The following EBF2 variants were observed in gnomAD, a reference collection of about 807,000 sequenced individuals.
EBF2 encodes the protein transcription factor COE2.
Under a neutral mutation model 72.8 loss-of-function variants are expected in EBF2, and 21 were observed. The observed-to-expected ratio is 0.29, with a 90% confidence interval of 0.20 to 0.42. The LOEUF (loss-of-function observed/expected upper bound fraction) is 0.42. Among genes scored for constraint, EBF2 ranks in the 10% least tolerant of loss-of-function variants. The probability of loss-of-function intolerance (pLI) is 1.00; values close to 1 mark genes in which losing one functional copy is unlikely to be tolerated. For missense variants in EBF2, 637 were observed against 731.2 expected, an observed-to-expected ratio of 0.87 and a Z score of 1.49; for synonymous variants, 299 against 274.2, an observed-to-expected ratio of 1.09 and a Z score of -0.89.
At chr8:26,000,610 C>T (rs1563203977) in intron 6 of EBF2, among the ~76,000 whole-genome samples, 2 of 152,168 alleles carry the variant, frequency 1.3e-5, no homozygotes, top group Non-Finnish European at 2.9e-5. Flanking sequence ...AGGATGTGTG[C>T]ATCCTCGCAA....
chr8:25,917,859 C>T (rs1803250697), intron 6 of EBF2, among the ~76,000 whole-genome samples: 1 of 152,144 alleles, frequency 6.6e-6, no homozygotes, highest in Non-Finnish European at 1.5e-5. Flanking sequence ...CTGCCTGGTC[C>T]GCTGGTTTTA....
chr8:25,944,624 A>C (rs1803733973), intron 6 of EBF2, among the ~76,000 whole-genome samples: 1 of 148,188 alleles, frequency 6.7e-6, no homozygotes, highest in East Asian at 2.0e-4. Flanking sequence ...TATAATCTAC[A>C]ATATACATTA....
rs529114928 is a variant in EBF2, at chr8:26,044,541, T to C, written c.131+188A>G. On this transcript the variant is annotated intron_variant, in intron 1 of 15. Transcript: ENST00000520164. This position sits in a 1 kb window ranked among gnomAD's most constrained non-coding sequence, Gnocchi z 4.1. ...GCAGTTCAGGAACTCGAGTGCCGGC[T>C]GCCGGGTGAGCGTTCGCCTGACTGC... 2.0e-5 allele frequency among the ~76,000 whole-genome samples: 3 copies of C among 152,272 alleles called. No homozygotes were observed. The highest frequency in any genetic ancestry group is 2.0e-4 in the Admixed American group (3 of 15,296).
At chr8:25,845,755 T>C (rs981212678) in intron 15 of EBF2, among the ~76,000 whole-genome samples, 1 of 152,222 alleles carries the variant, frequency 6.6e-6, no homozygotes, top group African/African-American at 2.4e-5. Flanking sequence ...TTCACATTCT[T>C]AGAAAATGGC....
intron 10 of EBF2, among the ~76,000 whole-genome samples, chr8:25,867,507 C>T (rs1343417146): frequency 6.6e-6 from 1 of 152,228 alleles, no homozygotes; most frequent in African/African-American, 2.4e-5. Context: ...TTCCTTCCTA[C>T]CTCTTTGGCC....
chr8:25,994,055 C>G (rs983908387), intron 6 of EBF2, among the ~76,000 whole-genome samples: 4 of 151,784 alleles, frequency 2.6e-5, no homozygotes, highest in African/African-American at 9.7e-5. Context: ...AAGATGCAAT[C>G]CAACATTAGA....
chr8:26,032,948 C>T lies in EBF2; in HGVS notation c.551+137G>A, dbSNP rs1805433405. 4.1e-6 allele frequency: 3 copies of T among 732,202 alleles called. No homozygotes were observed. The East Asian group carries it at 7.6e-5, about 19-fold the overall frequency. The allele number at this position is 732,202 out of a possible 1,614,324, so 45.4% of individuals were successfully genotyped here. A position where few individuals can be genotyped will look rare whatever the true frequency, so the allele number is the denominator to read the frequency against. Reference sequence around the variant, plus strand: ...TCCAAGAAAGGCCAGCATGAGGAGGCCTTTGTTGGATGAGCTTAGTGACTT... The same window carrying T: ...TCCAAGAAAGGCCAGCATGAGGAGGTCTTTGTTGGATGAGCTTAGTGACTT... On this transcript the variant is annotated intron_variant, in intron 6 of 15. Coordinates refer to ENST00000520164, the MANE Select transcript of EBF2 (RefSeq NM_022659.4).
rs1433919305 is a variant in EBF2, at chr8:25,850,820, T to TA, written c.1529-60_1529-59insT. The TA allele has an allele frequency of 2.5e-5, 37 of 1,507,840 alleles. No individual in the cohort carries two copies. The Middle Eastern group carries it at 6.9e-4, about 28-fold the overall frequency. 93.4% of individuals were successfully genotyped at this position (1,507,840 alleles called of 1,614,324 possible). On this transcript the variant is annotated intron_variant, in intron 14 of 15. Coordinates refer to ENST00000520164, the MANE Select transcript of EBF2 (RefSeq NM_022659.4). ...TTAAGATCTTCCTTCAGTTCACACA[T>TA]TTGGCACACATTTATTGAGAAATTG...
In EBF2 at chr8:26,005,313, T is replaced by A. The variant is rs796824099; in HGVS notation, c.551+27772A>T. Among the ~76,000 whole-genome samples, 5 of 3,006 alleles carry A rather than the reference T, an allele frequency of 1.7e-3. 1 individual carries two copies. The East Asian group carries it at 0.23, about 137-fold the overall frequency. The allele number at this position is 3,006 out of a possible 152,430, so 2.0% of individuals were successfully genotyped here. A position where few individuals can be genotyped will look rare whatever the true frequency, so the allele number is the denominator to read the frequency against. ...TATATAATTATATATAATTATATAT[T>A]ATATATTATATATAATTATATATTA... On this transcript the variant is annotated intron_variant, in intron 6 of 15. Transcript: ENST00000520164.
At chr8:25,905,063 A>T (rs1308012486) in intron 7 of EBF2, among the ~76,000 whole-genome samples, 2 of 152,216 alleles carry the variant, frequency 1.3e-5, no homozygotes, top group Non-Finnish European at 2.9e-5. Context: ...CTCAAAGAAG[A>T]TATACAAATG....
intron 6 of EBF2, among the ~76,000 whole-genome samples, chr8:26,024,881 A>G (rs542163721): frequency 4.9e-4 from 74 of 152,318 alleles, no homozygotes; most frequent in South Asian, 1.2e-3. Context: ...TATTGGCATC[A>G]AGATTTAAAT....
chr8:25,877,323 TCTC>T (rs1447207053), intron 10 of EBF2, among the ~76,000 whole-genome samples: 1 of 152,116 alleles, frequency 6.6e-6, no homozygotes, highest in African/African-American at 2.4e-5. Flanking sequence ...GAGGATCTCT[TCTC>T]CTCTCCTCTC....
In EBF2 at chr8:25,850,180, T is replaced by C. The variant is rs1801931880; in HGVS notation, c.1696+414A>G. On this transcript the variant is annotated intron_variant, in intron 15 of 15. Transcript: ENST00000520164. ...CAGGCTGGAGTGCAATGGCGCGATC[T>C]CAGCTTACTGCAACCTCTGCCTCCT... 2.6e-5 allele frequency among the ~76,000 whole-genome samples: 4 copies of C among 152,212 alleles called. No individual in the cohort carries two copies. The South Asian group carries it at 8.3e-4, about 31-fold the overall frequency.
intron 6 of EBF2, among the ~76,000 whole-genome samples, chr8:25,983,058 A>T (rs1354681612): frequency 6.6e-6 from 1 of 152,186 alleles, no homozygotes; most frequent in Non-Finnish European, 1.5e-5. Flanking sequence ...CCTCCAGTGG[A>T]ACCAGGAATC....
intron 6 of EBF2, among the ~76,000 whole-genome samples, chr8:25,915,861 T>A (rs1313498757): frequency 6.6e-6 from 1 of 152,196 alleles, no homozygotes; most frequent in Non-Finnish European, 1.5e-5. Flanking sequence ...TGGTAGCAGA[T>A]AATTTCAGTC....
At chr8:26,040,151 G>T in intron 4 of EBF2, 50 bp from the exon 5 acceptor site, 5 of 1,573,458 alleles carry the variant, frequency 3.2e-6, no homozygotes, top group Admixed American at 1.7e-5. Flanking sequence ...GGGGTGGGGG[G>T]CAAGGAAAGA....
At chr8:26,015,571 A>T (rs1805096672) in intron 6 of EBF2, among the ~76,000 whole-genome samples, 1 of 152,242 alleles carries the variant, frequency 6.6e-6, no homozygotes, top group Non-Finnish European at 1.5e-5. Context: ...ATAGGGCGAC[A>T]TGGAGATTAA....
chr8:25,947,382 G>A (rs1421957617), intron 6 of EBF2, among the ~76,000 whole-genome samples: 1 of 152,178 alleles, frequency 6.6e-6, no homozygotes, highest in African/African-American at 2.4e-5. Flanking sequence ...GTAACGGTGA[G>A]TCAATTAAAC....
chr8:25,985,785 A>G (rs971464461), intron 6 of EBF2, among the ~76,000 whole-genome samples: 1 of 151,970 alleles, frequency 6.6e-6, no homozygotes, highest in African/African-American at 2.4e-5. Context: ...CGACCGCTTG[A>G]GCCCAGGAGT....
Sources: allele counts gnomAD v4.1 joint callset (sites outside exome capture counted in the v4.1 genomes callset), GRCh38; gene constraint gnomAD v4.1.1; non-coding constraint Gnocchi (gnomAD v3.1); transcripts MANE v1.5; gene names NCBI Gene and HGNC (gene_info 2026-07-23, HGNC 2026-07-21).